The following STS variants were observed in gnomAD, a reference collection of about 807,000 sequenced individuals.
STS encodes steryl-sulfatase.
In STS, 7 loss-of-function variants were observed where a neutral mutation model predicts 26.8. The observed-to-expected ratio is 0.26, with a 90% CI of 0.15 to 0.49. The LOEUF (loss-of-function observed/expected upper bound fraction) is 0.49. STS is among the 20% of genes least tolerant of loss of function. The pLI, the probability that STS is intolerant of heterozygous loss-of-function variation, is 0.98. For synonymous variants in STS, 199 were observed against 189.4 expected (o/e 1.05, Z -0.42); for missense variants, 434 against 465.6 (o/e 0.93, Z 0.63).
At chrX:7,277,036 C>A (rs1924572438) in intron 7 of STS, among the ~76,000 whole-genome samples, 1 of 111,509 alleles carries the variant, frequency 9.0e-6, no homozygotes, top group African/African-American at 3.3e-5. Context: ...CATGCAATCT[C>A]ATGCTGAATG....
chrX:7,213,988 C>T (rs1921135066), intron 2 of STS, among the ~76,000 whole-genome samples: 1 of 110,956 alleles, frequency 9.0e-6, no homozygotes, highest in Non-Finnish European at 1.9e-5. Flanking sequence ...GAGGCTGAGG[C>T]GGGAGGATTG....
intron 2 of STS, among the ~76,000 whole-genome samples, chrX:7,222,185 G>T (rs1921598359): frequency 8.9e-6 from 1 of 111,866 alleles, no homozygotes; most frequent in African/African-American, 3.3e-5. Context: ...CCAGGACTGT[G>T]AGCAATATAT....
intron 2 of STS, among the ~76,000 whole-genome samples, chrX:7,212,328 G>A (rs926783508): frequency 1.8e-5 from 2 of 110,408 alleles, no homozygotes; most frequent in African/African-American, 3.3e-5. Context: ...AAAATTAGCC[G>A]GGCATCGTGG....
At chrX:7,182,197 C>T (rs746337122) in intron 1 of STS, among the ~76,000 whole-genome samples, 9 of 111,982 alleles carry the variant, frequency 8.0e-5, no homozygotes, top group African/African-American at 2.3e-4. Flanking sequence ...CAGGCACTTA[C>T]TAATTCATCC....
intron 10 of STS, among the ~76,000 whole-genome samples, chrX:7,340,056 CAAAA>C (rs202100721): frequency 3.6e-5 from 2 of 55,799 alleles, no homozygotes. Flanking sequence ...TTCTTGAATA[CAAAA>C]AAAAAAAAAA....
At chrX:7,150,611 G>A (rs1932993025) in intron 1 of STS, among the ~76,000 whole-genome samples, 1 of 112,058 alleles carries the variant, frequency 8.9e-6, no homozygotes, top group Non-Finnish European at 1.9e-5. Context: ...AGACAGATTG[G>A]GAAATCGTAG....
chrX:7,252,763 T>C (rs769892865), intron 2 of STS, among the ~76,000 whole-genome samples: 1 of 111,804 alleles, frequency 8.9e-6, no homozygotes, highest in South Asian at 3.7e-4. Context: ...GGATGAATTC[T>C]CTTCCCTCTG....
chrX:7,349,316 CTTTTTTTTTTTTTTTTTT>C (rs1178578773), intron 10 of STS, among the ~76,000 whole-genome samples: 21 of 52,887 alleles, frequency 4.0e-4, no homozygotes, highest in East Asian at 1.8e-3. Flanking sequence ...CATTTAATTC[CTTTTTTTTTTTTTTTTTT>C]TTTTTTTTTT....
At position 7,200,789 on chromosome X, in the gene STS, C is replaced by T. The variant is rs183262754; in HGVS notation, c.-5+9781C>T. Among the ~76,000 whole-genome samples, 279 of 111,620 alleles carry T rather than the reference C, an allele frequency of 2.5e-3. 1 individual carries two copies. Among genetic ancestry groups the T allele is most frequent in the African/African-American group, 8.8e-3 (271 of 30,748 alleles). On this transcript the variant is annotated intron_variant, in intron 2 of 10. Transcript: ENST00000674429. The stretch of plus-strand genomic sequence containing the variant: ...CACATTTCTCTAAAGCTTAGCCCTT[C>T]TTAAACTCTCATGTTTCAACCACTT...
In STS at chrX:7,259,510, T is replaced by C; in HGVS notation, c.544T>C (p.Phe182Leu). Residue 182 changes from phenylalanine to leucine, a missense_variant, in exon 6 of 11, where the codon TTC (phenylalanine) becomes CTC (leucine). Phe to Leu is a conservative substitution (Grantham distance 22). Around this residue, in one of 2 missense-constraint regions of STS, gnomAD observed 229 missense variants for 288.3 expected, o/e 0.79. Coordinates refer to ENST00000674429, the MANE Select transcript of STS (RefSeq NM_001320752.2). ...VFTTGFKRLV[F>L]LPLQIVGVTL... The stretch of plus-strand genomic sequence containing the variant: ...CACCACGGGCTTCAAGAGGCTGGTC[T>C]TCCTCCCCCTGCAGATCGTCGGGGT... 1 of 1,211,838 alleles carries C rather than the reference T, an allele frequency of 8.3e-7. No individual in the cohort carries two copies. Among genetic ancestry groups the C allele is most frequent in the Non-Finnish European group, 1.1e-6 (1 of 895,450 alleles).
intron 1 of STS, among the ~76,000 whole-genome samples, chrX:7,178,501 G>C (rs1281283313): frequency 1.8e-5 from 2 of 111,685 alleles, no homozygotes; most frequent in Non-Finnish European, 3.8e-5. Flanking sequence ...GAGTTCATCT[G>C]TTTTCCCCTC....
chrX:7,261,339 A>G (rs1359860413), intron 6 of STS, among the ~76,000 whole-genome samples: 1 of 111,795 alleles, frequency 8.9e-6, no homozygotes, highest in Non-Finnish European at 1.9e-5. Flanking sequence ...TGTAAAATCA[A>G]TCTCTGGATT....
intron 7 of STS, among the ~76,000 whole-genome samples, chrX:7,294,826 T>G (rs1399813448): frequency 9.0e-6 from 1 of 111,709 alleles, no homozygotes; most frequent in East Asian, 2.8e-4. Context: ...GGGGAGAGTC[T>G]CCTGCTCTGG....
chrX:7,187,783 A>G (rs185919623), intron 1 of STS, among the ~76,000 whole-genome samples: 22 of 111,842 alleles, frequency 2.0e-4, no homozygotes, highest in South Asian at 3.8e-4. Flanking sequence ...TACAAAAATC[A>G]TTTGGTTTTC....
chrX:7,172,669 A>C (rs141798937), intron 1 of STS, among the ~76,000 whole-genome samples: 1 of 111,983 alleles, frequency 8.9e-6, no homozygotes, highest in African/African-American at 3.2e-5. Flanking sequence ...TAACTTAGAC[A>C]TGGAAGCATG....
At chrX:7,204,480 C>A (rs1375535290) in intron 2 of STS, among the ~76,000 whole-genome samples, 1 of 106,636 alleles carries the variant, frequency 9.4e-6, no homozygotes. Flanking sequence ...TTCTTTCCTT[C>A]CTCCCTCCCT....
chrX:7,319,304 C>T (rs1212657693), intron 8 of STS, among the ~76,000 whole-genome samples: 8 of 110,441 alleles, frequency 7.2e-5, no homozygotes, highest in African/African-American at 2.6e-4. Context: ...TGTGCCACCA[C>T]ACCTGGCTAT....
At chrX:7,234,171 C>G (rs749611344) in intron 2 of STS, among the ~76,000 whole-genome samples, 4 of 112,423 alleles carry the variant, frequency 3.6e-5, no homozygotes, top group Non-Finnish European at 5.6e-5. Flanking sequence ...TATGGCGTTT[C>G]ATCCAGGGGA....
At chrX:7,220,496 C>T (rs1014651050) in intron 2 of STS, among the ~76,000 whole-genome samples, 15 of 109,259 alleles carry the variant, frequency 1.4e-4, no homozygotes, top group Non-Finnish European at 2.9e-4. Context: ...TGCCATTTTC[C>T]GCTCTGGGTG....
Sources: gnomAD v4.1 joint callset for allele counts (sites outside exome capture counted in the v4.1 genomes callset) on GRCh38, gnomAD v4.1.1 for gene constraint, gnomAD v4.1.1 regional missense constraint, MANE v1.5 for transcripts, NCBI Gene and HGNC (gene_info 2026-07-23, HGNC 2026-07-21) for gene names.